CSMD1: variants seen among roughly 807,000 people sequenced by gnomAD.
CSMD1 encodes CUB and sushi domain-containing protein 1.
Under a neutral mutation model 417.5 loss-of-function variants are expected in CSMD1, and 213 were observed. The observed-to-expected ratio is 0.51, with a 90% confidence interval of 0.46 to 0.57. The LOEUF is 0.57. CSMD1 is among the 20% of genes least tolerant of loss of function. The probability of loss-of-function intolerance (pLI) is 0.00; values close to 1 mark genes in which losing one functional copy is unlikely to be tolerated. For missense variants in CSMD1, 6,923 were observed against 4,529.7 expected, an observed-to-expected ratio of 1.53 and a Z score of -15.17; for synonymous variants, 2,862 against 1,736.8, an observed-to-expected ratio of 1.65 and a Z score of -16.11.
At chr8:3,926,320 T>C (rs1362719207) in intron 5 of CSMD1, among the ~76,000 whole-genome samples, 2 of 152,200 alleles carry the variant, frequency 1.3e-5, no homozygotes, top group Admixed American at 6.5e-5. Context: ...AACTTTTCAA[T>C]CTATTACACA....
intron 3 of CSMD1, among the ~76,000 whole-genome samples, chr8:4,074,753 A>T (rs2130791117): frequency 6.6e-6 from 1 of 152,258 alleles, no homozygotes; most frequent in South Asian, 2.1e-4. Flanking sequence ...AAACAAACAA[A>T]AAAAAAACAT....
chr8:3,405,836 G>A (rs1161519), intron 15 of CSMD1, among the ~76,000 whole-genome samples, 191 bp downstream of exon 15: 45,092 of 152,016 alleles, frequency 0.3, 7,249 homozygotes, highest in East Asian at 0.54. Context: ...CCACCCTGCC[G>A]ATGACACCTG....
chr8:4,129,068 C>A lies in CSMD1; in HGVS notation c.416-96969G>T, dbSNP rs575885939. Among the ~76,000 whole-genome samples the A allele has an allele frequency of 2.1e-3, 192 of 92,718 alleles. 3 individuals are homozygous for A. Among genetic ancestry groups the A allele is most frequent in the African/African-American group, 7.4e-3 (187 of 25,278 alleles). The allele number at this position is 92,718 out of a possible 152,430, so 60.8% of individuals were successfully genotyped here. A position where few individuals can be genotyped will look rare whatever the true frequency, so the allele number is the denominator to read the frequency against. Reference sequence around the variant, plus strand: ...TCCAGCGTGGTTACAGAGTGAGAGTCCAACTCAAAAAAAAAAAAAAAAAAC... The same window carrying A: ...TCCAGCGTGGTTACAGAGTGAGAGTACAACTCAAAAAAAAAAAAAAAAAAC... On this transcript the variant is annotated intron_variant, in intron 3 of 69. Coordinates refer to ENST00000635120, the MANE Select transcript of CSMD1 (RefSeq NM_033225.6).
chr8:4,210,616 AAAT>A (rs1482640763), intron 3 of CSMD1, among the ~76,000 whole-genome samples: 40 of 152,346 alleles, frequency 2.6e-4, no homozygotes, highest in East Asian at 1.5e-3. Context: ...ATAGCTAATT[AAAT>A]AATATCTCAT....
chr8:2,943,608 A>G (rs1268892115), intron 68 of CSMD1, among the ~76,000 whole-genome samples: 3 of 152,238 alleles, frequency 2.0e-5, no homozygotes, highest in Admixed American at 2.0e-4. Context: ...ATCAGCCAGG[A>G]CTATGGAGTG....
intron 54 of CSMD1, among the ~76,000 whole-genome samples, chr8:2,990,629 G>A (rs1042408174): frequency 3.3e-5 from 5 of 152,216 alleles, no homozygotes; most frequent in South Asian, 2.1e-4. Context: ...GGACACCTCT[G>A]TGAGCGATTC....
At chr8:4,439,465 G>A (rs564353034) in intron 2 of CSMD1, among the ~76,000 whole-genome samples, 3 of 151,894 alleles carry the variant, frequency 2.0e-5, no homozygotes, top group South Asian at 2.1e-4. Context: ...ACATTCTTAT[G>A]TTTTCCTACT....
chr8:3,055,147 A>G (rs1812131446), intron 49 of CSMD1, among the ~76,000 whole-genome samples: 1 of 152,194 alleles, frequency 6.6e-6, no homozygotes, highest in Non-Finnish European at 1.5e-5. Flanking sequence ...GAAATGGGAA[A>G]GATGACATTC....
At chr8:3,695,116 G>GTGTGTGTGTGTGTGTC (rs61279256) in intron 7 of CSMD1, among the ~76,000 whole-genome samples, 1 of 150,762 alleles carries the variant, frequency 6.6e-6, no homozygotes, top group Non-Finnish European at 1.5e-5. Flanking sequence ...GTGTGTGTGT[G>GTGTGTGTGTGTGTGTC]GTTATTGAAG....
At chr8:3,977,007 G>T (rs1280542388) in intron 5 of CSMD1, among the ~76,000 whole-genome samples, 1 of 152,310 alleles carries the variant, frequency 6.6e-6, no homozygotes, top group East Asian at 1.9e-4. Flanking sequence ...GTGGGGGCGT[G>T]AAGGTGCCTG....
At chr8:3,601,701 A>C (rs2117082685) in intron 8 of CSMD1, among the ~76,000 whole-genome samples, 1 of 152,344 alleles carries the variant, frequency 6.6e-6, no homozygotes, top group Middle Eastern at 3.4e-3. Flanking sequence ...AGAGTTATCA[A>C]CTATAGGAAC....
chr8:3,445,087 A>T (rs1352585318), intron 12 of CSMD1, among the ~76,000 whole-genome samples: 1 of 152,212 alleles, frequency 6.6e-6, no homozygotes, highest in African/African-American at 2.4e-5. Flanking sequence ...CAAATTCAAC[A>T]GGGAAAAAGA....
chr8:3,462,960 G>A (rs1720018807), intron 12 of CSMD1, among the ~76,000 whole-genome samples: 1 of 152,200 alleles, frequency 6.6e-6, no homozygotes, highest in African/African-American at 2.4e-5. Flanking sequence ...CCTTGTGAAG[G>A]ATGTCCAGGC....
intron 1 of CSMD1, among the ~76,000 whole-genome samples, chr8:4,830,749 G>C (rs1356198791): frequency 6.6e-6 from 1 of 152,186 alleles, no homozygotes; most frequent in Non-Finnish European, 1.5e-5. Flanking sequence ...GGAACCATTG[G>C]ACTTTAAGAA....
intron 49 of CSMD1, among the ~76,000 whole-genome samples, chr8:3,068,736 A>C (rs6558709): frequency 0.086 from 13,040 of 152,128 alleles, 1,875 homozygotes; most frequent in African/African-American, 0.3. Flanking sequence ...TTTTAACTGA[A>C]CAGATCTCGT....
intron 7 of CSMD1, among the ~76,000 whole-genome samples, chr8:3,683,034 C>T (rs1383389516): frequency 6.6e-6 from 1 of 151,884 alleles, no homozygotes; most frequent in East Asian, 1.9e-4. Context: ...CATCACACAC[C>T]AGGGACTGTT....
At chr8:3,523,014 CCCA>C in intron 10 of CSMD1, among the ~76,000 whole-genome samples, 1 of 108,528 alleles carries the variant, frequency 9.2e-6, no homozygotes, top group South Asian at 2.8e-4. Flanking sequence ...TATACACACA[CCCA>C]CACACACACA....
chr8:4,568,250 G>T (rs78321916), intron 2 of CSMD1, among the ~76,000 whole-genome samples: 2,892 of 152,088 alleles, frequency 0.019, 93 homozygotes, highest in African/African-American at 0.065. Flanking sequence ...TTACATTAGG[G>T]ATTTCCCCTA....
At chr8:3,808,531 T>C (rs777728690) in intron 5 of CSMD1, among the ~76,000 whole-genome samples, 1 of 152,148 alleles carries the variant, frequency 6.6e-6, no homozygotes, top group Non-Finnish European at 1.5e-5. Flanking sequence ...CGTGGTGAAT[T>C]TACATGCAAA....
Sources: allele counts gnomAD v4.1 joint callset (sites outside exome capture counted in the v4.1 genomes callset), GRCh38; gene constraint gnomAD v4.1.1; transcripts MANE v1.5; gene names NCBI Gene and HGNC (gene_info 2026-07-23, HGNC 2026-07-21).